CRIP2: variants seen among roughly 807,000 people sequenced by gnomAD.
CRIP2 encodes the protein cysteine rich protein 2.
A neutral mutation model predicts 31.3 loss-of-function variants in CRIP2; 31 were observed. That is an observed-to-expected ratio of 0.99 (90% confidence interval 0.74 to 1.34). The LOEUF (loss-of-function observed/expected upper bound fraction) is 1.34, where lower values mean the gene tolerates loss of function less well. Among genes scored for constraint, CRIP2 ranks in the 40% most tolerant of loss-of-function variants. The pLI is 0.00. For missense variants in CRIP2, 389 were observed against 301.6 expected, an observed-to-expected ratio of 1.29 and a Z score of -2.15; for synonymous variants, 177 against 127.2, an observed-to-expected ratio of 1.39 and a Z score of -2.63.
rs781918986 is a variant in CRIP2, at chr14:105,479,555, C to G, written c.560-31C>G. ...GCCCTCCCCTTCCCTCCACTGTTCC[C>G]CCGACCCACCCCAGCGGCCTCCCTC... On this transcript the variant is annotated intron_variant, in intron 7 of 7. Transcript: ENST00000329146. The G allele has an allele frequency of 1.8e-5, 29 of 1,612,632 alleles. No individual in the cohort carries two copies. In the Admixed American group the frequency reaches 1.8e-4, roughly 10 times the overall value.
upstream of CRIP2, among the ~76,000 whole-genome samples, chr14:105,473,983 C>T (rs1409132427): frequency 6.6e-6 from 1 of 152,198 alleles, no homozygotes; most frequent in East Asian, 1.9e-4. Context: ...CTTCCTAACT[C>T]CTCACCGCCT....
chr14:105,478,554 G>A lies in CRIP2; in HGVS notation c.196+47G>A. ...CCTGCCCTGGGACCTGCTGGGAGGG[G>A]CGTGGCGCTGGCGCTGGGGAGGGCT... is the stretch of plus-strand genomic sequence containing the variant. On this transcript the variant is annotated intron_variant, in intron 3 of 7. Transcript: ENST00000329146. The surrounding 1 kb of genome is among the most constrained non-coding windows in gnomAD (Gnocchi z 4.9). 6.3e-7 allele frequency: 1 copy of A among 1,579,870 alleles called. No individual in the cohort carries two copies. Among genetic ancestry groups the A allele is most frequent in the African/African-American group, 1.3e-5 (1 of 74,494 alleles).
At position 105,478,788 on chromosome 14, in the gene CRIP2, C is replaced by T. The variant is rs1555436514; in HGVS notation, c.254C>T (p.Pro85Leu). The change falls in exon 4 of 8, where the codon CCG becomes CTG. Residue 85 changes from proline to leucine, a missense_variant. Physicochemically the swap from Pro to Leu is moderately conservative, Grantham distance 98. Transcript: ENST00000329146. This position sits in a 1 kb window ranked among gnomAD's most constrained non-coding sequence, Gnocchi z 4.9. ...TACGAGAAGCCCCTGGCGGAGGGGC[C>T]GCAGGTCACCGGCCCCATCGAGGTC... Reference protein sequence around the residue: ...YIYEKPLAEGPQVTGPIEVPA... With the variant: ...YIYEKPLAEGLQVTGPIEVPA... 5 of 1,432,764 alleles carry T rather than the reference C, an allele frequency of 3.5e-6. No homozygotes were observed. The highest frequency in any genetic ancestry group is 5.2e-5 in the East Asian group (2 of 38,572). 88.8% of individuals were successfully genotyped at this position (1,432,764 alleles called of 1,614,324 possible).
intron 1 of CRIP2, chr14:105,476,916 T>C (rs1480129878): frequency 3.0e-6 from 1 of 334,008 alleles, no homozygotes; most frequent in Non-Finnish European, 4.3e-6. Flanking sequence ...ACCTGGGGGA[T>C]CCCATCTCAC....
At chr14:105,476,036 G>A in intron 1 of CRIP2, 4 of 985,564 alleles carry the variant, frequency 4.1e-6, no homozygotes, top group Non-Finnish European at 3.6e-6. Flanking sequence ...GATTTGGCCT[G>A]GAGTGCTTCT....
chr14:105,473,409 G>A (rs1216510986), upstream of CRIP2: 7 of 1,535,688 alleles, frequency 4.6e-6, no homozygotes, highest in Non-Finnish European at 6.1e-6. Context: ...AGGGAGGAGG[G>A]TGCTGCCACA....
Position 105,479,744 on chromosome 14 carries a change from C to G in CRIP2, c.*91C>G. On this transcript the variant is annotated 3_prime_UTR_variant, in exon 8 of 8. Coordinates refer to ENST00000329146, the MANE Select transcript of CRIP2 (RefSeq NM_001312.4). ...GCTCTGCTGGGAGAGTGCTCAGCCGCCCAGTCCTGCCTGCAAGCCCAGGGC... is the reference window on the plus strand; with the variant it reads ...GCTCTGCTGGGAGAGTGCTCAGCCGGCCAGTCCTGCCTGCAAGCCCAGGGC... 1.5e-6 allele frequency: 2 copies of G among 1,364,504 alleles called. No individual in the cohort carries two copies. The highest frequency in any genetic ancestry group is 2.5e-5 in the South Asian group (2 of 80,254). 84.5% of individuals were successfully genotyped at this position (1,364,504 alleles called of 1,614,324 possible).
intron 1 of CRIP2, chr14:105,477,418 C>T: frequency 2.0e-6 from 2 of 985,112 alleles, no homozygotes; most frequent in Non-Finnish European, 2.4e-6. Context: ...CTGGAGGACC[C>T]ACGGGGACGG....
intron 1 of CRIP2, chr14:105,476,615 C>T: frequency 3.0e-6 from 3 of 985,518 alleles, no homozygotes; most frequent in Non-Finnish European, 2.4e-6. Context: ...TGGCCCACGT[C>T]CCAGAGCTGG....
chr14:105,476,760 T>G, intron 1 of CRIP2: 1 of 985,490 alleles, frequency 1.0e-6, no homozygotes, highest in Non-Finnish European at 1.2e-6. Context: ...CCAGCTTCCT[T>G]GAGTGGAGTG....
rs587641549 is a variant in CRIP2 at position 105,477,358 on chromosome 14, G to A, written c.44-908G>A. 8.1e-6 allele frequency: 8 copies of A among 985,378 alleles called. No individual in the cohort carries two copies. In the South Asian group the frequency reaches 2.3e-4, roughly 29 times the overall value. The allele number at this position is 985,378 out of a possible 1,614,324, so 61.0% of individuals were successfully genotyped here. ...GCAGCCAGGGGCATTACGGCGGGGG[G>A]AGAGCTCAGGGTTTAGGACGAGGAA... is the stretch of plus-strand genomic sequence containing the variant. On this transcript the variant is annotated intron_variant, in intron 1 of 7. Transcript: ENST00000329146.
upstream of CRIP2, chr14:105,473,242 T>C (rs1555435118): frequency 2.6e-6 from 4 of 1,530,256 alleles, no homozygotes; most frequent in South Asian, 3.6e-5. Context: ...GAAAAGGTAC[T>C]GACTGATGCC....
intron 7 of CRIP2, 43 bp from the exon 8 acceptor site, chr14:105,479,543 C>T: frequency 1.2e-6 from 2 of 1,612,794 alleles, no homozygotes; most frequent in Non-Finnish European, 1.7e-6. Flanking sequence ...CTCCCCTTCC[C>T]TCCACTGTTC....
chr14:105,479,715 C>T lies in CRIP2; in HGVS notation c.*62C>T, dbSNP rs2084050385. 1 of 1,541,624 alleles carries T rather than the reference C, an allele frequency of 6.5e-7. No homozygotes were observed. Among genetic ancestry groups the T allele is most frequent in the Non-Finnish European group, 8.8e-7 (1 of 1,137,746 alleles). On this transcript the variant is annotated 3_prime_UTR_variant, in exon 8 of 8. Transcript: ENST00000329146. ...CCCAGACCCTGCAGGGGCCCCCCTGCTTGGCTCTGCTGGGAGAGTGCTCAG... is the reference window on the plus strand; with the variant it reads ...CCCAGACCCTGCAGGGGCCCCCCTGTTTGGCTCTGCTGGGAGAGTGCTCAG...
rs782814440 is a variant in CRIP2 at position 105,479,170 on chromosome 14, T to TGCGCTGCGA, written c.461_469dup (p.Glu154_Cys156dup). 2 of 1,611,604 alleles carry TGCGCTGCGA rather than the reference T, an allele frequency of 1.2e-6. No individual in the cohort carries two copies. The highest frequency in any genetic ancestry group is 2.2e-5 in the East Asian group (1 of 44,818). ...GGCAAGGATTGGCACCGGCCCTGCC[T>TGCGCTGCGA]GCGCTGCGAGCGCTGCGGGAAGACA... On this transcript the variant is annotated inframe_insertion, in exon 6 of 8. Coordinates refer to ENST00000329146, the MANE Select transcript of CRIP2 (RefSeq NM_001312.4).
At chr14:105,474,626 G>T (rs1416620677), upstream of CRIP2, 64 of 252,750 alleles carry the variant, frequency 2.5e-4, no homozygotes, top group African/African-American at 1.5e-3. This position sits in a 1 kb window ranked among gnomAD's most constrained non-coding sequence, Gnocchi z 5.1. Context: ...TCCGGCGCGA[G>T]GGGCCCGGGG....
At chr14:105,475,907 G>A (rs1263496934) in intron 1 of CRIP2, 14 of 985,408 alleles carry the variant, frequency 1.4e-5, no homozygotes, top group African/African-American at 1.7e-5. Flanking sequence ...TGCCCTGGTC[G>A]CCCCATACCC....
In CRIP2 at chr14:105,478,999, A is replaced by G; in HGVS notation, c.358A>G (p.Thr120Ala). 6.3e-7 allele frequency: 1 copy of G among 1,578,760 alleles called. No individual in the cohort carries two copies. Among genetic ancestry groups the G allele is most frequent in the Non-Finnish European group, 8.6e-7 (1 of 1,166,630 alleles). ...PSRASSVTTF[T>A]GEPNTCPRCS... ...CACAGCCTCCAGTGTCACCACTTTC[A>G]CCGGGGAGCCCAACACGTGCCCGCG... The change falls in exon 5 of 8, where the codon ACC becomes GCC. Residue 120 changes from threonine to alanine, a missense_variant. By Grantham distance (58) the Thr-to-Ala change is moderately conservative. Transcript: ENST00000329146. This position sits in a 1 kb window ranked among gnomAD's most constrained non-coding sequence, Gnocchi z 4.9.
In CRIP2 at chr14:105,478,233, G is replaced by A. The variant is rs782817417; in HGVS notation, c.44-33G>A. On this transcript the variant is annotated intron_variant, in intron 1 of 7. Coordinates refer to ENST00000329146, the MANE Select transcript of CRIP2 (RefSeq NM_001312.4). The surrounding 1 kb of genome is among the most constrained non-coding windows in gnomAD (Gnocchi z 4.9). ...GCGGAGGGGGTGCGGGGCGCGCCCC[G>A]GCCCTGACCCCCCTGCCGCCCCTCC... is the stretch of plus-strand genomic sequence containing the variant. The A allele has an allele frequency of 2.1e-6, 3 of 1,433,476 alleles. No individual in the cohort carries two copies. The highest frequency in any genetic ancestry group is 1.3e-5 in the South Asian group (1 of 77,578). The allele number at this position is 1,433,476 out of a possible 1,614,324, so 88.8% of individuals were successfully genotyped here.
Sources: allele counts gnomAD v4.1 joint callset (sites outside exome capture counted in the v4.1 genomes callset), GRCh38; gene constraint gnomAD v4.1.1; non-coding constraint Gnocchi (gnomAD v3.1); transcripts MANE v1.5; gene names NCBI Gene and HGNC (gene_info 2026-07-23, HGNC 2026-07-21).